The following DENND1A variants were observed in gnomAD, a reference collection of about 807,000 sequenced individuals.
The protein encoded by DENND1A is DENN domain containing 1A.
DENND1A carries 51 observed loss-of-function variants against 113.7 expected under a neutral mutation model. The ratio of observed to expected loss-of-function variants is 0.45; its 90% confidence interval spans 0.36 to 0.57. The LOEUF is 0.57. DENND1A is among the 20% of genes least tolerant of loss of function. The pLI, the probability that DENND1A is intolerant of heterozygous loss-of-function variation, is 0.00. For missense variants in DENND1A, 1,258 were observed against 1,395.9 expected (o/e 0.90, Z 1.57); for synonymous variants, 565 against 570.8 (o/e 0.99, Z 0.14).
At chr9:123,664,104 G>A (rs1007481333) in intron 8 of DENND1A, among the ~76,000 whole-genome samples, 1 of 152,178 alleles carries the variant, frequency 6.6e-6, no homozygotes, top group Non-Finnish European at 1.5e-5. Context: ...TGAGATGGGA[G>A]ATTATGCCTG....
At chr9:123,808,157 C>T (rs761060944) in intron 2 of DENND1A, among the ~76,000 whole-genome samples, 2 of 151,946 alleles carry the variant, frequency 1.3e-5, no homozygotes, top group African/African-American at 2.4e-5. Context: ...ACTCGGGGGT[C>T]AGAGGTTGCA....
At chr9:123,443,321 T>C (rs1280633316) in intron 18 of DENND1A, among the ~76,000 whole-genome samples, 2 of 152,232 alleles carry the variant, frequency 1.3e-5, no homozygotes, top group Admixed American at 1.3e-4. Context: ...TGCTTAGCAC[T>C]ATCTTATTTT....
chr9:123,815,730 G>A (rs758955185), intron 2 of DENND1A, among the ~76,000 whole-genome samples: 16 of 152,036 alleles, frequency 1.1e-4, no homozygotes, highest in Non-Finnish European at 2.1e-4. Context: ...AATTCCCGAA[G>A]ATACACATTA....
chr9:123,823,198 A>T (rs1274428328), intron 2 of DENND1A, among the ~76,000 whole-genome samples: 1 of 152,234 alleles, frequency 6.6e-6, no homozygotes, highest in Admixed American at 6.5e-5. Flanking sequence ...GCAAAAAAGA[A>T]AAAGCACAGC....
chr9:123,697,650 T>C (rs1314903691), intron 5 of DENND1A, among the ~76,000 whole-genome samples: 2 of 152,172 alleles, frequency 1.3e-5, no homozygotes, highest in African/African-American at 2.4e-5. Flanking sequence ...TGGTTTTCCA[T>C]TCCTGAGTTA....
chr9:123,699,650 C>T (rs1162690545), intron 5 of DENND1A, among the ~76,000 whole-genome samples: 4 of 149,264 alleles, frequency 2.7e-5, no homozygotes, highest in African/African-American at 7.4e-5. Flanking sequence ...ACTGCTCCAT[C>T]GACATTTTTT....
intron 9 of DENND1A, among the ~76,000 whole-genome samples, chr9:123,636,982 G>A (rs570620662): frequency 2.0e-4 from 31 of 152,270 alleles, no homozygotes; most frequent in South Asian, 8.3e-4. Flanking sequence ...GAGCCACCGC[G>A]CCCGGCCCCA....
intron 9 of DENND1A, among the ~76,000 whole-genome samples, chr9:123,644,398 A>C (rs924248317): frequency 6.7e-6 from 1 of 148,392 alleles, no homozygotes; most frequent in Non-Finnish European, 1.5e-5. Context: ...AAAAAAAAAA[A>C]AAAACCTCTA....
chr9:123,850,548 C>T (rs549959511), intron 2 of DENND1A, among the ~76,000 whole-genome samples: 1 of 152,244 alleles, frequency 6.6e-6, no homozygotes, highest in Non-Finnish European at 1.5e-5. Flanking sequence ...TAAACTGAAC[C>T]TGCAATATCT....
chr9:123,426,611 C>T (rs2045752219), intron 19 of DENND1A, among the ~76,000 whole-genome samples: 1 of 152,170 alleles, frequency 6.6e-6, no homozygotes, highest in Admixed American at 6.5e-5. Context: ...AGGTGCAAAG[C>T]CCAGCTCAGA....
chr9:123,903,449 C>A (rs1852106937), intron 1 of DENND1A, among the ~76,000 whole-genome samples: 1 of 151,784 alleles, frequency 6.6e-6, no homozygotes. Context: ...TCTGCATTTC[C>A]ATCTGAGGTA....
chr9:123,556,374 T>A (rs944481959), intron 13 of DENND1A, among the ~76,000 whole-genome samples: 1 of 152,084 alleles, frequency 6.6e-6, no homozygotes, highest in African/African-American at 2.4e-5. Context: ...AAACAAGGTG[T>A]TTGCTGTTAC....
intron 11 of DENND1A, among the ~76,000 whole-genome samples, chr9:123,597,946 T>C (rs993853224): frequency 1.3e-5 from 2 of 152,142 alleles, no homozygotes; most frequent in African/African-American, 2.4e-5. Context: ...GGAAAGGCAA[T>C]AGATATAAAA....
At chr9:123,798,947 G>A (rs1309116645) in intron 2 of DENND1A, among the ~76,000 whole-genome samples, 1 of 151,974 alleles carries the variant, frequency 6.6e-6, no homozygotes, top group Non-Finnish European at 1.5e-5. Flanking sequence ...AGGCTTCCAT[G>A]TAATTTCTCT....
chr9:123,576,465 T>G (rs1361332717), intron 12 of DENND1A, among the ~76,000 whole-genome samples: 1 of 152,220 alleles, frequency 6.6e-6, no homozygotes. Flanking sequence ...CTGACAATGA[T>G]TTCTCCAATT....
Position 123,848,369 on chromosome 9 carries a change from G to C in DENND1A, c.88+30582C>G, listed in dbSNP as rs1256584219. The stretch of plus-strand genomic sequence containing the variant: ...AACTCTTTAAATTATTATTATATCT[G>C]TTATGATGATCAGTGATCAATGATC... On this transcript the variant is annotated intron_variant, in intron 2 of 23. Coordinates refer to ENST00000394215, the MANE Select transcript of DENND1A (RefSeq NM_001352964.2). Among the ~76,000 whole-genome samples the C allele has an allele frequency of 2.7e-5, 4 of 150,400 alleles. No individual in the cohort carries two copies. In the East Asian group the frequency reaches 7.9e-4, roughly 30 times the overall value.
intron 5 of DENND1A, among the ~76,000 whole-genome samples, chr9:123,682,346 C>T (rs528675859): frequency 2.1e-4 from 32 of 152,260 alleles, no homozygotes; most frequent in Non-Finnish European, 3.1e-4. Flanking sequence ...GTGTTCATGT[C>T]GGGACTGATG....
chr9:123,545,684 G>T (rs1032885880), intron 13 of DENND1A, among the ~76,000 whole-genome samples: 10 of 151,982 alleles, frequency 6.6e-5, no homozygotes, highest in Admixed American at 6.6e-4. Flanking sequence ...AGCCAGGATG[G>T]TCTTGATCTC....
Position 123,711,497 on chromosome 9 carries a change from ATATATATGTATATATG to A in DENND1A, c.303-34724_303-34709del, listed in dbSNP as rs1311368658. Among the ~76,000 whole-genome samples, 707 of 91,244 alleles carry A rather than the reference ATATATATGTATATATG, an allele frequency of 7.7e-3. 12 individuals carry two copies. The highest frequency in any genetic ancestry group is 0.035 in the African/African-American group (687 of 19,762). The allele number at this position is 91,244 out of a possible 152,430, so 59.9% of individuals were successfully genotyped here. A position where few individuals can be genotyped will look rare whatever the true frequency, so the allele number is the denominator to read the frequency against. ...ATAATAAATTAAAAAATATATATAT[ATATATATGTATATATG>A]TATATATATATATATATATATATAT... On this transcript the variant is annotated intron_variant, in intron 5 of 23. Transcript: ENST00000394215.
Sources: gnomAD v4.1 joint callset for allele counts (sites outside exome capture counted in the v4.1 genomes callset) on GRCh38, gnomAD v4.1.1 for gene constraint, MANE v1.5 for transcripts, NCBI Gene and HGNC (gene_info 2026-07-23, HGNC 2026-07-21) for gene names.